Variants in XCR1 observed in about 807,000 individuals in gnomAD.
XCR1 encodes X-C motif chemokine receptor 1.
For missense variants in XCR1, 356 were observed against 424.2 expected (o/e 0.84, Z 1.41); for synonymous variants, 187 against 188.5 (o/e 0.99, Z 0.06).
At chr3:46,032,442 T>C (rs1339875138), upstream of XCR1, among the ~76,000 whole-genome samples, 1 of 152,230 alleles carries the variant, frequency 6.6e-6, no homozygotes. Flanking sequence ...TGTCTCACTA[T>C]GCAATGCTGG....
intron 4 of XCR1, among the ~76,000 whole-genome samples, chr3:46,061,443 G>A (rs755605348): frequency 1.1e-4 from 16 of 152,220 alleles, no homozygotes; most frequent in Non-Finnish European, 2.2e-4. Context: ...AGTGTCTGGA[G>A]AAAGAAGCTA....
chr3:46,076,861 T>C (rs899477927), exon 2 of XCR1, among the ~76,000 whole-genome samples: 3 of 152,170 alleles, frequency 2.0e-5, no homozygotes, highest in African/African-American at 7.2e-5. Context: ...GGACTTGCCA[T>C]AGGAGAAGTC....
At chr3:46,035,635 C>G (rs1204309825) in intron 5 of XCR1, among the ~76,000 whole-genome samples, 1 of 152,192 alleles carries the variant, frequency 6.6e-6, no homozygotes, top group Non-Finnish European at 1.5e-5. Flanking sequence ...CAACTGTGTT[C>G]CTGATTGCCT....
chr3:46,079,059 T>A (rs983087156), intron 1 of XCR1, among the ~76,000 whole-genome samples: 2 of 152,214 alleles, frequency 1.3e-5, no homozygotes, highest in African/African-American at 4.8e-5. Context: ...AGAGGAGCAG[T>A]GCTCGTAAGC....
intron 2 of XCR1, among the ~76,000 whole-genome samples, chr3:46,076,398 T>G (rs572573627): frequency 2.0e-5 from 3 of 152,220 alleles, no homozygotes; most frequent in African/African-American, 7.2e-5. Context: ...ATATTTTGTC[T>G]GAGCTGGCCC....
At chr3:46,078,826 G>A (rs1302826689) in intron 1 of XCR1, among the ~76,000 whole-genome samples, 1 of 152,220 alleles carries the variant, frequency 6.6e-6, no homozygotes, top group Non-Finnish European at 1.5e-5. Context: ...AGTTTGCAGA[G>A]TCTCTGCAGA....
chr3:46,023,237 T>C (rs1575408155), intron 1 of XCR1: 2 of 594,480 alleles, frequency 3.4e-6, no homozygotes, highest in Admixed American at 6.1e-5. Flanking sequence ...CGCGCTCCCC[T>C]GCGATCCCCT....
intron 3 of XCR1, among the ~76,000 whole-genome samples, chr3:46,073,569 A>C (rs933296703): frequency 6.6e-6 from 1 of 152,210 alleles, no homozygotes. Context: ...ATCCTGAGAG[A>C]CAGAGTGAGA....
At chr3:46,073,574 G>C (rs1253689323) in intron 3 of XCR1, among the ~76,000 whole-genome samples, 1 of 152,158 alleles carries the variant, frequency 6.6e-6, no homozygotes, top group Non-Finnish European at 1.5e-5. Flanking sequence ...GAGAGACAGA[G>C]TGAGATTCTT....
chr3:46,046,503 A>T (rs1697630124), intron 5 of XCR1, among the ~76,000 whole-genome samples: 1 of 152,336 alleles, frequency 6.6e-6, no homozygotes, highest in Non-Finnish European at 1.5e-5. Flanking sequence ...CATTCATGAT[A>T]AACAGTTTGC....
chr3:46,023,161 G>T, intron 1 of XCR1: 1 of 402,112 alleles, frequency 2.5e-6, no homozygotes. Flanking sequence ...GGCCCGTGGC[G>T]CGGGGCCTGA....
intron 5 of XCR1, among the ~76,000 whole-genome samples, chr3:46,051,531 C>A (rs56800498): frequency 0.3 from 44,882 of 152,114 alleles, 8,044 homozygotes; most frequent in African/African-American, 0.51. Context: ...CATAAAATTT[C>A]TTTCCTTTAA....
chr3:46,073,520 C>T (rs1383358752), intron 3 of XCR1, among the ~76,000 whole-genome samples: 6 of 151,964 alleles, frequency 3.9e-5, no homozygotes, highest in African/African-American at 7.3e-5. Context: ...GCCTGAGAGC[C>T]GGAGGTTGCA....
At chr3:46,043,689 C>T (rs958718138) in intron 5 of XCR1, among the ~76,000 whole-genome samples, 65 of 146,870 alleles carry the variant, frequency 4.4e-4, no homozygotes, top group Middle Eastern at 3.4e-3. Context: ...TTGAGACCAG[C>T]CTGGGCAACA....
chr3:46,021,651 G>C lies in XCR1; in HGVS notation c.297C>G (p.Asp99Glu). 6.2e-7 allele frequency: 1 copy of C among 1,613,952 alleles called. No individual in the cohort carries two copies. Among genetic ancestry groups the C allele is most frequent in the African/African-American group, 1.3e-5 (1 of 74,968 alleles). ...TCATATTGAGGAGTTTGCAGAGGAAGTCTCCCAGCACCCAGCCCCAGTGGT... is the reference window on the plus strand; with the variant it reads ...TCATATTGAGGAGTTTGCAGAGGAACTCTCCCAGCACCCAGCCCCAGTGGT... ...SPYHWGWVLG[D>E]FLCKLLNMIF... Residue 99 changes from aspartate (D) to glutamate (E), a missense_variant, in exon 2 of 2, where the codon GAC (aspartate) becomes GAG (glutamate). By Grantham distance (45) the Asp-to-Glu change is conservative. Coordinates refer to ENST00000309285, the MANE Select transcript of XCR1 (RefSeq NM_001024644.2). The surrounding 1 kb of genome is among the most constrained non-coding windows in gnomAD (Gnocchi z 4.7).
chr3:46,078,649 C>T (rs1197034347), intron 1 of XCR1, among the ~76,000 whole-genome samples: 12 of 152,212 alleles, frequency 7.9e-5, no homozygotes, highest in Non-Finnish European at 1.5e-4. Flanking sequence ...TTTAAAATTG[C>T]AGCTGCTTCC....
chr3:46,040,338 C>A (rs969376337), intron 5 of XCR1, among the ~76,000 whole-genome samples: 1 of 152,090 alleles, frequency 6.6e-6, no homozygotes, highest in Non-Finnish European at 1.5e-5. Context: ...ACAGACTTTA[C>A]AATAGCAAAA....
rs1056539235 is a variant in XCR1 at position 46,063,032 on chromosome 3, A to T, written c.-183+3867T>A. 2.6e-5 allele frequency among the ~76,000 whole-genome samples: 4 copies of T among 152,318 alleles called. No individual in the cohort carries two copies. In the South Asian group the frequency reaches 8.3e-4, roughly 32 times the overall value. On this transcript the variant is annotated intron_variant, in intron 4 of 5. Coordinates refer to the XCR1 transcript ENST00000683768. ...TTTCCTTTAGAGACCTGGTTGTTAA[A>T]ATTTACTAGCACACCACTGAATGGA...
chr3:46,017,647 T>G lies in XCR1; in HGVS notation c.*3299A>C, dbSNP rs6764042. ...TCCACTCCAGTTGAGGCCATTGGAG[T>G]TCTGGGGCTGGCCTGAGCTTGGAGA... is the stretch of plus-strand genomic sequence containing the variant. On this transcript the variant is annotated 3_prime_UTR_variant, in exon 2 of 2. Transcript: ENST00000309285. The G allele has an allele frequency of 0.44, 66,962 of 152,074 alleles. 16,900 individuals carry two copies. Among genetic ancestry groups the G allele is most frequent in the African/African-American group, 0.7 (28,917 of 41,486 alleles). 9.4% of individuals were successfully genotyped at this position (152,074 alleles called of 1,614,324 possible).
Sources: allele counts gnomAD v4.1 joint callset (sites outside exome capture counted in the v4.1 genomes callset), GRCh38; gene constraint gnomAD v4.1.1; non-coding constraint Gnocchi (gnomAD v3.1); transcripts MANE v1.5; gene names NCBI Gene and HGNC (gene_info 2026-07-23, HGNC 2026-07-21).